The following HSD3B2 variants were observed in gnomAD, a reference collection of about 807,000 sequenced individuals.
HSD3B2 encodes the protein 3 beta-hydroxysteroid dehydrogenase/Delta 5-->4-isomerase type 2.
In HSD3B2, 8 loss-of-function variants were observed where a neutral mutation model predicts 9.9. The ratio of observed to expected loss-of-function variants is 0.81; its 90% confidence interval spans 0.47 to 1.46. The LOEUF (loss-of-function observed/expected upper bound fraction) is 1.46. HSD3B2 is among the 40% of genes most tolerant of loss of function. HSD3B2 has a pLI of 0.00. For missense variants in HSD3B2, 410 were observed against 448.3 expected, an observed-to-expected ratio of 0.91 and a Z score of 0.77; for synonymous variants, 221 against 184.5, an observed-to-expected ratio of 1.20 and a Z score of -1.60.
At chr1:119,421,125 T>C (rs1651844187) in intron 3 of HSD3B2, among the ~76,000 whole-genome samples, 1 of 152,026 alleles carries the variant, frequency 6.6e-6, no homozygotes, top group Non-Finnish European at 1.5e-5. Context: ...CAATTCTATG[T>C]ATATCTAAGA....
chr1:119,422,735 C>A lies in HSD3B2; in HGVS notation c.*115C>A. The A allele has an allele frequency of 8.2e-7, 1 of 1,226,040 alleles. No individual in the cohort carries two copies. The highest frequency in any genetic ancestry group is 1.2e-6 in the Non-Finnish European group (1 of 851,924). 75.9% of individuals were successfully genotyped at this position (1,226,040 alleles called of 1,614,324 possible). A position where few individuals can be genotyped will look rare whatever the true frequency, so the allele number is the denominator to read the frequency against. On this transcript the variant is annotated 3_prime_UTR_variant, in exon 4 of 4. Coordinates refer to ENST00000369416, the MANE Select transcript of HSD3B2 (RefSeq NM_000198.4). ...CACAAGCCCAGGTCCTGCTGCCTCT[C>A]TTTCACACAATGCCCAACTTACTGT...
intron 2 of HSD3B2, among the ~76,000 whole-genome samples, chr1:119,417,887 T>G (rs1570818372): frequency 6.6e-6 from 1 of 152,130 alleles, no homozygotes; most frequent in Non-Finnish European, 1.5e-5. Flanking sequence ...CACTAGAAAA[T>G]TGACTTTAGA....
At position 119,415,358 on chromosome 1, in the gene HSD3B2, A is replaced by T; in HGVS notation, c.-62A>T. ...CTCTTCTGGGTCACGCTAGAATCAGATCTGCTCTCCAGCATCTTCTGTTTC... is the reference window on the plus strand; with the variant it reads ...CTCTTCTGGGTCACGCTAGAATCAGTTCTGCTCTCCAGCATCTTCTGTTTC... On this transcript the variant is annotated 5_prime_UTR_variant, in exon 2 of 4. Coordinates refer to ENST00000369416, the MANE Select transcript of HSD3B2 (RefSeq NM_000198.4). The T allele has an allele frequency of 1.3e-6, 2 of 1,579,420 alleles. No individual in the cohort carries two copies.
chr1:119,420,046 T>C (rs1334508019), intron 3 of HSD3B2, among the ~76,000 whole-genome samples: 1 of 152,124 alleles, frequency 6.6e-6, no homozygotes, highest in Non-Finnish European at 1.5e-5. Flanking sequence ...CCTGCCCACC[T>C]CAAAGAAGTC....
chr1:119,421,409 ATATATATG>A (rs1486735353), intron 3 of HSD3B2, among the ~76,000 whole-genome samples: 14 of 30,770 alleles, frequency 4.5e-4, no homozygotes, highest in African/African-American at 2.7e-3. Flanking sequence ...ATATGTATAT[ATATATATG>A]TATATATATG....
intron 3 of HSD3B2, 66 bp downstream of exon 3, chr1:119,419,648 A>G: frequency 6.7e-7 from 1 of 1,484,262 alleles, no homozygotes; most frequent in Non-Finnish European, 9.4e-7. Context: ...AGGACAAGAA[A>G]GGGAAGAGAA....
rs587672725 is a variant in HSD3B2, at chr1:119,419,069, C to G, written c.143-349C>G. ...CTACAGAATTAAATTCAAACTTTCC[C>G]TCTTATACCCAACTCTCCACAATCA... is the stretch of plus-strand genomic sequence containing the variant. On this transcript the variant is annotated intron_variant, in intron 2 of 3. Transcript: ENST00000369416. Among the ~76,000 whole-genome samples the G allele has an allele frequency of 3.6e-4, 55 of 152,244 alleles. No individual in the cohort carries two copies. In the East Asian group the frequency reaches 7.7e-3, roughly 21 times the overall value.
intron 3 of HSD3B2, among the ~76,000 whole-genome samples, chr1:119,420,548 A>G (rs1308911244): frequency 6.6e-6 from 1 of 152,148 alleles, no homozygotes; most frequent in East Asian, 1.9e-4. Context: ...CCCAAAAACA[A>G]GGGATAAGAA....
intron 2 of HSD3B2, among the ~76,000 whole-genome samples, chr1:119,417,676 C>T (rs1405754834): frequency 6.6e-6 from 1 of 152,256 alleles, no homozygotes; most frequent in African/African-American, 2.4e-5. Context: ...ATGGTCCCAC[C>T]TGTATCCCAG....
At chr1:119,421,375 G>GTGTATATATATATGTATATATA (rs1651850593) in intron 3 of HSD3B2, among the ~76,000 whole-genome samples, 2 of 135,226 alleles carry the variant, frequency 1.5e-5, no homozygotes, top group Non-Finnish European at 3.1e-5. Flanking sequence ...TAAAGTGTGT[G>GTGTATATATATATGTATATATA]TGTATATATA....
Position 119,422,393 on chromosome 1 carries a change from G to A in HSD3B2, c.892G>A (p.Glu298Lys). 6.2e-7 allele frequency: 1 copy of A among 1,614,134 alleles called. No homozygotes were observed. The highest frequency in any genetic ancestry group is 8.5e-7 in the Non-Finnish European group (1 of 1,180,004). Residue 298 changes from glutamate to lysine, a missense_variant, in exon 4 of 4, where the codon GAA becomes AAA. Physicochemically the swap from Glu to Lys is moderately conservative, Grantham distance 56. Coordinates refer to ENST00000369416, the MANE Select transcript of HSD3B2 (RefSeq NM_000198.4). ...GATGTACTGGATTGGCTTCCTGCTG[G>A]AAGTAGTGAGCTTCCTACTCAGCCC... Reference protein sequence around the residue: ...TLMYWIGFLLEVVSFLLSPIY... With the variant: ...TLMYWIGFLLKVVSFLLSPIY...
intron 3 of HSD3B2, among the ~76,000 whole-genome samples, chr1:119,421,451 A>G (rs868251915): frequency 3.2e-3 from 35 of 10,872 alleles, no homozygotes; most frequent in East Asian, 0.036. Context: ...GTATATATAT[A>G]TGTATATATA....
At chr1:119,419,700 T>G in intron 3 of HSD3B2, 118 bp downstream of exon 3, 1 of 992,308 alleles carries the variant, frequency 1.0e-6, no homozygotes, top group Non-Finnish European at 1.6e-6. Context: ...GCCAAGTGCC[T>G]TTGCTGATCA....
intron 3 of HSD3B2, 141 bp from the exon 4 acceptor site, chr1:119,421,668 T>A (rs1651879829): frequency 4.2e-6 from 4 of 957,718 alleles, no homozygotes; most frequent in Non-Finnish European, 6.8e-6. Flanking sequence ...CCAATCTCAG[T>A]CAGAGCCACA....
In HSD3B2 at chr1:119,415,203, G is replaced by A; in HGVS notation, c.-90+1G>A. The A allele has an allele frequency of 1.8e-6, 1 of 545,894 alleles. No homozygotes were observed. The allele number at this position is 545,894 out of a possible 1,614,324, so 33.8% of individuals were successfully genotyped here. A position where few individuals can be genotyped will look rare whatever the true frequency, so the allele number is the denominator to read the frequency against. On this transcript the variant is annotated splice_donor_variant, in intron 1 of 3. Transcript: ENST00000369416. LOFTEE classifies it low-confidence loss of function (5UTR_SPLICE). ...CCAGCTTTTAACAATCTAAGTTACG[G>A]TTAGAGCTTTCTCCTTTTCTTTCAA...
At position 119,421,867 on chromosome 1, in the gene HSD3B2, C is replaced by T. The variant is rs749726800; in HGVS notation, c.366C>T (p.Thr122=). 1 of 1,613,956 alleles carries T rather than the reference C, an allele frequency of 6.2e-7. No individual in the cohort carries two copies. Among genetic ancestry groups the T allele is most frequent in the South Asian group, 1.1e-5 (1 of 91,058 alleles). Residue 122 remains threonine, a synonymous_variant, in exon 4 of 4, where the codon ACC becomes ACT. Transcript: ENST00000369416. ...CCAGTGTGCCAGTCTTCATCTACAC[C>T]AGTAGCATAGAGGTAGCCGGGCCCA... ...VQASVPVFIY[T]SSIEVAGPNS...
At chr1:119,416,160 C>A (rs1651703000) in intron 2 of HSD3B2, among the ~76,000 whole-genome samples, 2 of 151,222 alleles carry the variant, frequency 1.3e-5, no homozygotes, top group South Asian at 2.1e-4. Flanking sequence ...AGAGCATCAG[C>A]AAGAGAGAGA....
At chr1:119,420,713 G>A (rs1651835539) in intron 3 of HSD3B2, among the ~76,000 whole-genome samples, 1 of 152,170 alleles carries the variant, frequency 6.6e-6, no homozygotes, top group South Asian at 2.1e-4. Flanking sequence ...TACAAAATAA[G>A]TAAATAAAAA....
intron 2 of HSD3B2, among the ~76,000 whole-genome samples, chr1:119,416,396 A>G (rs1651711128): frequency 6.6e-6 from 1 of 152,226 alleles, no homozygotes; most frequent in South Asian, 2.1e-4. Context: ...CTTTGTGCAA[A>G]TAACCCTGTG....
Sources: gnomAD v4.1 joint callset for allele counts (sites outside exome capture counted in the v4.1 genomes callset) on GRCh38, gnomAD v4.1.1 for gene constraint, MANE v1.5 for transcripts, NCBI Gene and HGNC (gene_info 2026-07-23, HGNC 2026-07-21) for gene names.